The following FAT3 variants were observed in gnomAD, a reference collection of about 807,000 sequenced individuals.
FAT3 encodes FAT atypical cadherin 3.
A neutral mutation model predicts 310.2 loss-of-function variants in FAT3; 95 were observed. The observed-to-expected ratio is 0.31, with a 90% CI of 0.26 to 0.36. The LOEUF (loss-of-function observed/expected upper bound fraction) is 0.36. FAT3 is among the 10% of genes least tolerant of loss of function. The pLI, the probability that FAT3 is intolerant of heterozygous loss-of-function variation, is 1.00. For synonymous variants in FAT3, 2,314 were observed against 2,192.9 expected (o/e 1.06, Z -1.54); for missense variants, 5,408 against 5,715.6 (o/e 0.95, Z 1.74).
intron 21 of FAT3, among the ~76,000 whole-genome samples, chr11:92,862,963 G>T (rs533576498): frequency 3.2e-4 from 49 of 152,270 alleles, no homozygotes; most frequent in African/African-American, 1.1e-3. Flanking sequence ...TTGGGAGTTA[G>T]ATATCTCTTG....
chr11:92,666,486 G>A (rs1295127382), intron 3 of FAT3, among the ~76,000 whole-genome samples: 2 of 151,370 alleles, frequency 1.3e-5, no homozygotes, highest in Admixed American at 6.6e-5. Flanking sequence ...CGAGTAGCTG[G>A]GACTACAGAC....
intron 2 of FAT3, among the ~76,000 whole-genome samples, chr11:92,405,717 C>T (rs1431635987): frequency 6.6e-6 from 1 of 152,158 alleles, no homozygotes; most frequent in African/African-American, 2.4e-5. Context: ...CACCACTGCA[C>T]TCTAGCCTGG....
intron 3 of FAT3, among the ~76,000 whole-genome samples, chr11:92,582,278 A>G (rs1938849398): frequency 6.6e-6 from 1 of 151,874 alleles, no homozygotes; most frequent in Non-Finnish European, 1.5e-5. Flanking sequence ...CCTGGGACTT[A>G]GAATGCTTTA....
At chr11:92,836,495 T>G in intron 15 of FAT3, 71 bp from the exon 16 acceptor site, 1 of 1,568,722 alleles carries the variant, frequency 6.4e-7, no homozygotes, top group South Asian at 1.2e-5. Context: ...TAAACAGACC[T>G]GGGACCCTAA....
chr11:92,621,783 A>C (rs1373644130), intron 3 of FAT3, among the ~76,000 whole-genome samples: 1 of 152,192 alleles, frequency 6.6e-6, no homozygotes, highest in Non-Finnish European at 1.5e-5. Flanking sequence ...TTAAAATTGT[A>C]TATGCTTGTA....
At chr11:92,470,270 T>C (rs1369394984) in intron 2 of FAT3, among the ~76,000 whole-genome samples, 3 of 152,238 alleles carry the variant, frequency 2.0e-5, no homozygotes, top group African/African-American at 7.2e-5. Context: ...ACAATTATTC[T>C]AGTGGACTAG....
chr11:92,387,387 A>G (rs773872080), intron 2 of FAT3, among the ~76,000 whole-genome samples: 38 of 151,990 alleles, frequency 2.5e-4, no homozygotes, highest in Non-Finnish European at 4.9e-4. Flanking sequence ...ATTTTGGAAA[A>G]CTAGCCAAAA....
At chr11:92,536,037 A>T (rs1954246395) in intron 3 of FAT3, among the ~76,000 whole-genome samples, 1 of 152,198 alleles carries the variant, frequency 6.6e-6, no homozygotes, top group Admixed American at 6.5e-5. Context: ...GATTGTGAGA[A>T]CTTAAAGTCC....
intron 3 of FAT3, among the ~76,000 whole-genome samples, chr11:92,533,141 C>G (rs541658414): frequency 2.0e-5 from 3 of 152,204 alleles, no homozygotes; most frequent in Admixed American, 6.5e-5. Flanking sequence ...TCAAGCAATT[C>G]TCTTAGCCTC....
intron 2 of FAT3, among the ~76,000 whole-genome samples, chr11:92,503,802 C>T (rs909251487): frequency 6.6e-6 from 1 of 152,056 alleles, no homozygotes; most frequent in African/African-American, 2.4e-5. Context: ...AAATAATGCA[C>T]ACTTGTTTCA....
intron 2 of FAT3, among the ~76,000 whole-genome samples, chr11:92,419,129 C>T (rs1456707460): frequency 1.3e-5 from 2 of 152,152 alleles, no homozygotes; most frequent in Non-Finnish European, 2.9e-5. Flanking sequence ...ACCCCCAATT[C>T]ATATGCCATT....
chr11:92,740,893 G>A (rs1379297120), intron 4 of FAT3, among the ~76,000 whole-genome samples: 1 of 152,052 alleles, frequency 6.6e-6, no homozygotes, highest in African/African-American at 2.4e-5. Flanking sequence ...GATACATTGA[G>A]TTATTTCTCT....
intron 1 of FAT3, among the ~76,000 whole-genome samples, chr11:92,326,335 A>G (rs57527083): frequency 0.025 from 3,835 of 152,332 alleles, 179 homozygotes; most frequent in African/African-American, 0.088. Context: ...ATCCTGTACA[A>G]TATTGCAGAC....
At chr11:92,806,605 G>C in intron 12 of FAT3, 90 bp downstream of exon 12, 4 of 1,108,952 alleles carry the variant, frequency 3.6e-6, no homozygotes, top group Non-Finnish European at 5.1e-6. Context: ...TAAATAGTTA[G>C]TAGTATACTT....
chr11:92,390,524 C>A (rs1301875988), intron 2 of FAT3, among the ~76,000 whole-genome samples: 1 of 152,176 alleles, frequency 6.6e-6, no homozygotes, highest in Admixed American at 6.6e-5. Context: ...GGATGGATGT[C>A]TGCCTGCTGC....
At chr11:92,552,928 T>G (rs1954872056) in intron 3 of FAT3, among the ~76,000 whole-genome samples, 1 of 143,942 alleles carries the variant, frequency 6.9e-6, no homozygotes, top group African/African-American at 2.6e-5. Flanking sequence ...CCAGCCTGGG[T>G]GACAGAGTGA....
At chr11:92,521,350 C>T (rs1052563290) in intron 2 of FAT3, among the ~76,000 whole-genome samples, 5 of 152,152 alleles carry the variant, frequency 3.3e-5, no homozygotes, top group African/African-American at 1.2e-4. Flanking sequence ...ATCACAAAGA[C>T]TGTGAGAATG....
rs576918332 is a variant in FAT3, at chr11:92,895,158, G to A, written c.*4045G>A. 2.6e-5 allele frequency: 4 copies of A among 152,310 alleles called. No homozygotes were observed. Among genetic ancestry groups the A allele is most frequent in the African/African-American group, 4.8e-5 (2 of 41,584 alleles). 9.4% of individuals were successfully genotyped at this position (152,310 alleles called of 1,614,324 possible). A position where few individuals can be genotyped will look rare whatever the true frequency, so the allele number is the denominator to read the frequency against. On this transcript the variant is annotated 3_prime_UTR_variant, in exon 28 of 28. Transcript: ENST00000525166. ...ATTGCTAAAGTGGTTAGGCTTTAAT[G>A]TTTTATGTTTTTAGTTTCAAACTAT...
intron 3 of FAT3, among the ~76,000 whole-genome samples, chr11:92,591,528 A>G (rs1939426960): frequency 6.6e-6 from 1 of 152,186 alleles, no homozygotes; most frequent in Non-Finnish European, 1.5e-5. Context: ...AGCAAATAGG[A>G]CACTTAGTGT....
Sources: gnomAD v4.1 joint callset for allele counts (sites outside exome capture counted in the v4.1 genomes callset) on GRCh38, gnomAD v4.1.1 for gene constraint, MANE v1.5 for transcripts, NCBI Gene and HGNC (gene_info 2026-07-23, HGNC 2026-07-21) for gene names.